Variants in GTF2H1 observed in about 807,000 individuals in gnomAD.
GTF2H1 encodes the protein BTF2 p62.
In GTF2H1, 16 loss-of-function variants were observed where a neutral mutation model predicts 71.2. The ratio of observed to expected loss-of-function variants is 0.22; its 90% CI spans 0.15 to 0.34. GTF2H1 has a LOEUF of 0.34. Ranked by LOEUF, GTF2H1 falls within the 10% of genes least tolerant of loss-of-function variation. The pLI is 1.00. For synonymous variants in GTF2H1, 215 were observed against 219.0 expected (o/e 0.98, Z 0.16); for missense variants, 498 against 648.2 (o/e 0.77, Z 2.52).
chr11:18,346,180 T>C lies in GTF2H1; in HGVS notation c.838-1408T>C, dbSNP rs182560614. Among the ~76,000 whole-genome samples, 6 of 152,316 alleles carry C rather than the reference T, an allele frequency of 3.9e-5. No homozygotes were observed. In the East Asian group the frequency reaches 1.2e-3, roughly 29 times the overall value. On this transcript the variant is annotated intron_variant, in intron 7 of 14. Transcript: ENST00000265963. ...GTGTATTGAACCATATACAGTCTCA[T>C]GACACAATATGTACTACATTGCTGC...
intron 3 of GTF2H1, 109 bp from the exon 4 acceptor site, chr11:18,338,000 T>C (rs113787182): frequency 2.9e-6 from 2 of 691,504 alleles, no homozygotes; most frequent in Non-Finnish European, 4.9e-6. Context: ...CATCACAAAA[T>C]AAAAGTTGTG....
rs4150580 is a variant in GTF2H1 at position 18,335,704 on chromosome 11, T to C, written c.155-50T>C. The C allele has an allele frequency of 8.2e-3, 10,971 of 1,331,316 alleles. 69 individuals are homozygous for C. The highest frequency in any genetic ancestry group is 0.01 in the Non-Finnish European group (9,491 of 935,262). The allele number at this position is 1,331,316 out of a possible 1,614,324, so 82.5% of individuals were successfully genotyped here. ...GGAGAAGTAACTTACTGTATGGTTATTCCCACAGTGTGAGTGTCATCATCT... is the reference window on the plus strand; with the variant it reads ...GGAGAAGTAACTTACTGTATGGTTACTCCCACAGTGTGAGTGTCATCATCT... On this transcript the variant is annotated intron_variant, in intron 2 of 14. Coordinates refer to ENST00000265963, the MANE Select transcript of GTF2H1 (RefSeq NM_005316.4).
intron 13 of GTF2H1, 49 bp downstream of exon 13, chr11:18,358,689 A>G: frequency 8.5e-7 from 1 of 1,177,350 alleles, no homozygotes; most frequent in Non-Finnish European, 1.3e-6. Context: ...AGTGACTTAC[A>G]AGAAGTTTTG....
intron 1 of GTF2H1, among the ~76,000 whole-genome samples, chr11:18,331,961 G>A (rs1019265671): frequency 1.3e-5 from 2 of 152,172 alleles, no homozygotes; most frequent in Admixed American, 1.3e-4. Context: ...CTGGGCTCAA[G>A]CAATTCTCCC....
chr11:18,358,882 A>G (rs971651703), intron 13 of GTF2H1, among the ~76,000 whole-genome samples: 3 of 152,198 alleles, frequency 2.0e-5, no homozygotes, highest in African/African-American at 7.2e-5. Flanking sequence ...TAAAACTTGT[A>G]TCTACCTCCA....
intron 1 of GTF2H1, among the ~76,000 whole-genome samples, chr11:18,323,710 A>G (rs781136911): frequency 1.1e-4 from 16 of 152,220 alleles, no homozygotes; most frequent in Non-Finnish European, 1.3e-4. Context: ...AACCCAATAT[A>G]TAAAGCAGCA....
rs1215796991 is a variant in GTF2H1 at position 18,366,515 on chromosome 11, G to A, written c.*646G>A. The A allele has an allele frequency of 6.6e-6, 1 of 152,586 alleles. No individual in the cohort carries two copies. The highest frequency in any genetic ancestry group is 2.4e-5 in the African/African-American group (1 of 41,436). The allele number at this position is 152,586 out of a possible 1,614,324, so 9.5% of individuals were successfully genotyped here. A position where few individuals can be genotyped will look rare whatever the true frequency, so the allele number is the denominator to read the frequency against. On this transcript the variant is annotated 3_prime_UTR_variant, in exon 15 of 15. Transcript: ENST00000265963. Reference sequence around the variant, plus strand: ...ACATCATTGGTTCTGTGTTTCCTACGGAAATAAGAAACGATAAATATTGCA... The same window carrying A: ...ACATCATTGGTTCTGTGTTTCCTACAGAAATAAGAAACGATAAATATTGCA...
At chr11:18,342,117 A>G (rs1865170573) in intron 7 of GTF2H1, among the ~76,000 whole-genome samples, 1 of 152,124 alleles carries the variant, frequency 6.6e-6, no homozygotes, top group Non-Finnish European at 1.5e-5. Context: ...TTGCAGAGAA[A>G]GAGATGGTTC....
intron 2 of GTF2H1, 81 bp from the exon 3 acceptor site, chr11:18,335,673 A>G (rs1865008638): frequency 1.0e-6 from 1 of 985,784 alleles, no homozygotes; most frequent in African/African-American, 1.6e-5. Flanking sequence ...ATCCTGAATC[A>G]TCTTGGGAGA....
At chr11:18,353,457 TC>T (rs1362244834) in intron 11 of GTF2H1, among the ~76,000 whole-genome samples, 3 of 152,180 alleles carry the variant, frequency 2.0e-5, no homozygotes, top group African/African-American at 7.2e-5. Context: ...CACTAAGCTG[TC>T]CAGAATCTTT....
chr11:18,364,950 C>A (rs1865783701), intron 14 of GTF2H1, among the ~76,000 whole-genome samples: 1 of 151,730 alleles, frequency 6.6e-6, no homozygotes, highest in African/African-American at 2.4e-5. Context: ...ATATACGGGG[C>A]TGGGCACAGC....
In GTF2H1 at chr11:18,323,424, A is replaced by G. The variant is rs1864611828; in HGVS notation, c.-16+684A>G. On this transcript the variant is annotated intron_variant, in intron 1 of 14. Coordinates refer to ENST00000265963, the MANE Select transcript of GTF2H1 (RefSeq NM_005316.4). Reference sequence around the variant, plus strand: ...CGATTCTCCTGCCTAGACCTCCCAAAGCGCCAGAATTATGCTACAGTGCCT... The same window carrying G: ...CGATTCTCCTGCCTAGACCTCCCAAGGCGCCAGAATTATGCTACAGTGCCT... Among the ~76,000 whole-genome samples the G allele has an allele frequency of 2.6e-5, 4 of 151,996 alleles. No homozygotes were observed. The South Asian group carries it at 8.3e-4, about 32-fold the overall frequency.
chr11:18,361,902 T>G (rs4150673), intron 14 of GTF2H1, among the ~76,000 whole-genome samples: 95,232 of 152,008 alleles, frequency 0.63, 31,231 homozygotes, highest in East Asian at 0.96. Context: ...TGCCCAGCAT[T>G]TTTAGCATTG....
In GTF2H1 at chr11:18,339,578, C is replaced by T; in HGVS notation, c.528C>T (p.Pro176=). 1 of 1,612,992 alleles carries T rather than the reference C, an allele frequency of 6.2e-7. No homozygotes were observed. Among genetic ancestry groups the T allele is most frequent in the Non-Finnish European group, 8.5e-7 (1 of 1,179,006 alleles). Residue 176 remains proline (P), a synonymous_variant, in exon 5 of 15, where the codon CCC becomes CCT. Transcript: ENST00000265963. The part of the protein sequence containing the change: ...ISAAFLADVR[P]QTDGCNGLRY... Reference sequence around the variant, plus strand: ...CTTTGTTTTAGGCTGATGTCCGGCCCCAAACTGATGGCTGTAACGGTCTAA... The same window carrying T: ...CTTTGTTTTAGGCTGATGTCCGGCCTCAAACTGATGGCTGTAACGGTCTAA...
At chr11:18,359,840 A>G (rs954230641) in intron 13 of GTF2H1, among the ~76,000 whole-genome samples, 6 of 151,432 alleles carry the variant, frequency 4.0e-5, no homozygotes, top group African/African-American at 1.2e-4. Context: ...CCTCTCTAGT[A>G]GCTGGGACTA....
chr11:18,345,432 C>G (rs1046816439), intron 7 of GTF2H1, among the ~76,000 whole-genome samples: 68 of 151,808 alleles, frequency 4.5e-4, no homozygotes, highest in Non-Finnish European at 2.9e-4. Context: ...TGGCCTGTTC[C>G]TAGCGCATGT....
chr11:18,341,421 A>T lies in GTF2H1; in HGVS notation c.757+11A>T, dbSNP rs368523602. 22 of 1,613,662 alleles carry T rather than the reference A, an allele frequency of 1.4e-5. No individual in the cohort carries two copies. In the African/African-American group the frequency reaches 2.9e-4, roughly 22 times the overall value. On this transcript the variant is annotated intron_variant, in intron 6 of 14. Coordinates refer to ENST00000265963, the MANE Select transcript of GTF2H1 (RefSeq NM_005316.4). ...AAATAGATGAAAAAGGTAACTGTTT[A>T]TCTCTGATAGACACTGGTATTTAAC...
At chr11:18,334,104 G>A (rs536670576) in intron 2 of GTF2H1, among the ~76,000 whole-genome samples, 3 of 152,272 alleles carry the variant, frequency 2.0e-5, no homozygotes, top group African/African-American at 7.2e-5. Flanking sequence ...TAAGGGCCGG[G>A]CGCGGTGGCT....
chr11:18,341,645 CTT>C (rs772116892), intron 7 of GTF2H1, 38 bp downstream of exon 7: 1 of 1,297,854 alleles, frequency 7.7e-7, no homozygotes, highest in African/African-American at 1.5e-5. Context: ...AGAAAAGAGT[CTT>C]TTCCTAGTCT....
Sources: gnomAD v4.1 joint callset for allele counts (sites outside exome capture counted in the v4.1 genomes callset) on GRCh38, gnomAD v4.1.1 for gene constraint, MANE v1.5 for transcripts, NCBI Gene and HGNC (gene_info 2026-07-23, HGNC 2026-07-21) for gene names.